Variants in HSPA4 observed in about 807,000 individuals in gnomAD.
The protein encoded by HSPA4 is heat shock protein family A (Hsp70) member 4, also known as heat shock 70 kDa protein 4.
Under a neutral mutation model 106.2 loss-of-function variants are expected in HSPA4, and 25 were observed. The ratio of observed to expected loss-of-function variants is 0.24; its 90% CI spans 0.17 to 0.33. HSPA4 has a LOEUF of 0.33. HSPA4 is among the 10% of genes least tolerant of loss of function. The probability of loss-of-function intolerance (pLI) is 1.00; values close to 1 mark genes in which losing one functional copy is unlikely to be tolerated. For missense variants in HSPA4, 841 were observed against 996.0 expected, an observed-to-expected ratio of 0.84 and a Z score of 2.10; for synonymous variants, 332 against 333.6, an observed-to-expected ratio of 1.00 and a Z score of 0.05.
chr5:133,068,560 C>G (rs113357798), intron 3 of HSPA4, among the ~76,000 whole-genome samples: 2 of 152,110 alleles, frequency 1.3e-5, no homozygotes, highest in African/African-American at 4.8e-5. Flanking sequence ...AAAAGGTAGT[C>G]TGCTGTTGCA....
chr5:133,067,471 G>A lies in HSPA4; in HGVS notation c.220G>A (p.Ala74Thr). 1 of 1,613,610 alleles carries A rather than the reference G, an allele frequency of 6.2e-7. No homozygotes were observed. Among genetic ancestry groups the A allele is most frequent in the Non-Finnish European group, 8.5e-7 (1 of 1,179,498 alleles). Reference sequence around the variant, plus strand: ...AGGATTTAAAAGATTCCATGGCCGAGCATTCTCTGATCCATTTGTGGAGGC... The same window carrying A: ...AGGATTTAAAAGATTCCATGGCCGAACATTCTCTGATCCATTTGTGGAGGC... ...VQGFKRFHGR[A>T]FSDPFVEAEK... Residue 74 changes from alanine (A) to threonine (T), a missense_variant, in exon 3 of 19, where the codon GCA becomes ACA. Transcript: ENST00000304858.
chr5:133,084,712 C>T (rs1329122962), intron 7 of HSPA4, among the ~76,000 whole-genome samples: 1 of 152,042 alleles, frequency 6.6e-6, no homozygotes, highest in South Asian at 2.1e-4. Flanking sequence ...TGAGGTGATC[C>T]ACCCGCCTCA....
chr5:133,056,536 G>A (rs1202120127), intron 1 of HSPA4, among the ~76,000 whole-genome samples: 1 of 152,194 alleles, frequency 6.6e-6, no homozygotes, highest in Non-Finnish European at 1.5e-5. Flanking sequence ...CTCCCAAAGT[G>A]CTGGGAATAC....
At chr5:133,068,753 T>G (rs1367319066) in intron 3 of HSPA4, among the ~76,000 whole-genome samples, 2 of 151,916 alleles carry the variant, frequency 1.3e-5, no homozygotes, top group African/African-American at 4.9e-5. Context: ...GTGCAATACT[T>G]ATTAGAAATA....
intron 1 of HSPA4, among the ~76,000 whole-genome samples, chr5:133,057,807 A>C (rs1359165183): frequency 1.3e-5 from 2 of 152,248 alleles, no homozygotes; most frequent in Non-Finnish European, 2.9e-5. Context: ...TTATGGATTA[A>C]GCAGCATTGA....
chr5:133,100,025 GTTTA>G (rs1765764799), intron 16 of HSPA4, among the ~76,000 whole-genome samples: 1 of 151,644 alleles, frequency 6.6e-6, no homozygotes, highest in Non-Finnish European at 1.5e-5. Flanking sequence ...GCATCTGGTG[GTTTA>G]TTTTTTATTA....
Position 133,088,680 on chromosome 5 carries a change from T to G in HSPA4, c.1137+125T>G. ...TCAGGGTGTTGAGATTCCAAAACCT[T>G]TGTTTTAAAATAGAGGTGATGTTCC... On this transcript the variant is annotated intron_variant, in intron 9 of 18. Transcript: ENST00000304858. 4.0e-6 allele frequency: 3 copies of G among 754,652 alleles called. No homozygotes were observed. The South Asian group carries it at 5.4e-5, about 13-fold the overall frequency. 46.7% of individuals were successfully genotyped at this position (754,652 alleles called of 1,614,324 possible). A position where few individuals can be genotyped will look rare whatever the true frequency, so the allele number is the denominator to read the frequency against.
chr5:133,073,023 A>G (rs1171061621), intron 4 of HSPA4, among the ~76,000 whole-genome samples: 1 of 152,212 alleles, frequency 6.6e-6, no homozygotes, highest in Admixed American at 6.5e-5. Context: ...TTGGTCTGCC[A>G]TGTAATGAGT....
intron 4 of HSPA4, among the ~76,000 whole-genome samples, chr5:133,072,185 C>T (rs1324624481): frequency 6.6e-6 from 1 of 152,002 alleles, no homozygotes; most frequent in South Asian, 2.1e-4. Context: ...CGGGCCCTAG[C>T]GTATAGCTAT....
intron 7 of HSPA4, among the ~76,000 whole-genome samples, 178 bp from the exon 8 acceptor site, chr5:133,086,604 T>C (rs1177137395): frequency 1.3e-5 from 2 of 152,222 alleles, no homozygotes; most frequent in Non-Finnish European, 2.9e-5. Context: ...CCAAACACTT[T>C]TCCCAAGTGG....
At position 133,097,170 on chromosome 5, in the gene HSPA4, A is replaced by T; in HGVS notation, c.1813A>T (p.Ile605Phe). The T allele has an allele frequency of 6.2e-7, 1 of 1,610,394 alleles. No individual in the cohort carries two copies. The highest frequency in any genetic ancestry group is 8.5e-7 in the Non-Finnish European group (1 of 1,176,952). The change falls in exon 15 of 19, where the codon ATC becomes TTC. Residue 605 changes from isoleucine (I) to phenylalanine (F), a missense_variant. By Grantham distance (21) the Ile-to-Phe change is conservative. Coordinates refer to ENST00000304858, the MANE Select transcript of HSPA4 (RefSeq NM_002154.4). The part of the protein sequence containing the change: ...NLYIENEGKM[I>F]MQDKLEKERN... ...TAATATTTATTCTCAGGGTAAGATG[A>T]TCATGCAGGATAAACTGGAGAAGGA... is the stretch of plus-strand genomic sequence containing the variant.
intron 4 of HSPA4, among the ~76,000 whole-genome samples, chr5:133,072,389 GTTGTTTTTTTT>G (rs1478019431): frequency 9.7e-6 from 1 of 103,240 alleles, no homozygotes; most frequent in African/African-American, 3.6e-5. Flanking sequence ...CTGGTCCAGG[GTTGTTTTTTTT>G]TTTTTTTTTT....
At chr5:133,092,847 G>C in intron 13 of HSPA4, 58 bp downstream of exon 13, 6 of 841,466 alleles carry the variant, frequency 7.1e-6, no homozygotes, top group Non-Finnish European at 1.0e-5. Context: ...TTGAGACAGA[G>C]TTTCAGTCTG....
chr5:133,082,902 G>A (rs955915981), intron 7 of HSPA4, among the ~76,000 whole-genome samples: 4 of 152,130 alleles, frequency 2.6e-5, no homozygotes, highest in East Asian at 1.9e-4. Flanking sequence ...TTGGGAGGCT[G>A]AGGTGGGTGG....
intron 6 of HSPA4, 115 bp from the exon 7 acceptor site, chr5:133,076,539 C>T (rs1007889209): frequency 2.2e-6 from 2 of 903,080 alleles, no homozygotes; most frequent in South Asian, 1.7e-5. Context: ...TTGTTTTAAC[C>T]TTAATGTAAC....
intron 1 of HSPA4, among the ~76,000 whole-genome samples, chr5:133,059,260 C>T (rs1765206046): frequency 6.6e-6 from 1 of 151,716 alleles, no homozygotes; most frequent in Non-Finnish European, 1.5e-5. Context: ...CCAGCCTGGC[C>T]AAGATGGGGA....
intron 1 of HSPA4, among the ~76,000 whole-genome samples, chr5:133,056,025 C>T (rs1185827585): frequency 6.6e-6 from 1 of 152,068 alleles, no homozygotes; most frequent in African/African-American, 2.4e-5. Flanking sequence ...TTGCAGTGAA[C>T]CGAGATCATG....
intron 16 of HSPA4, chr5:133,101,470 A>T (rs1765784154): frequency 4.5e-6 from 1 of 220,984 alleles, no homozygotes; most frequent in East Asian, 9.5e-5. Flanking sequence ...AGTATACTTT[A>T]TATTTAGTAC....
chr5:133,061,666 C>T (rs574203610), intron 1 of HSPA4, among the ~76,000 whole-genome samples: 1 of 152,166 alleles, frequency 6.6e-6, no homozygotes, highest in African/African-American at 2.4e-5. Context: ...CTTGCCCAGG[C>T]TGGAGTGCAG....
Sources: gnomAD v4.1 joint callset for allele counts (sites outside exome capture counted in the v4.1 genomes callset) on GRCh38, gnomAD v4.1.1 for gene constraint, MANE v1.5 for transcripts, NCBI Gene and HGNC (gene_info 2026-07-23, HGNC 2026-07-21) for gene names.